LAMA2: variants seen among roughly 807,000 people sequenced by gnomAD.
LAMA2 encodes the protein laminin subunit alpha 2.
Under a neutral mutation model 364.8 loss-of-function variants are expected in LAMA2, and 269 were observed. That is an observed-to-expected ratio of 0.74 (90% CI 0.67 to 0.82). The LOEUF (loss-of-function observed/expected upper bound fraction) is 0.82. Among genes scored for constraint, LAMA2 ranks in the 40% least tolerant of loss-of-function variants. The pLI, the probability that LAMA2 is intolerant of heterozygous loss-of-function variation, is 0.00. For synonymous variants in LAMA2, 1,379 were observed against 1,370.6 expected, an observed-to-expected ratio of 1.01 and a Z score of -0.14; for missense variants, 3,807 against 3,873.2, an observed-to-expected ratio of 0.98 and a Z score of 0.45.
At chr6:128,916,993 CT>C in intron 1 of LAMA2, among the ~76,000 whole-genome samples, 1 of 152,234 alleles carries the variant, frequency 6.6e-6, no homozygotes, top group East Asian at 1.9e-4. Context: ...CTCTTTCCCC[CT>C]GACATTATCC....
chr6:129,414,198 C>T (rs1434227600), intron 40 of LAMA2, among the ~76,000 whole-genome samples: 2 of 151,806 alleles, frequency 1.3e-5, no homozygotes, highest in African/African-American at 4.8e-5. Context: ...GAACTATAAC[C>T]GTTAAATAAA....
intron 56 of LAMA2, 93 bp downstream of exon 56, chr6:129,486,715 T>C: frequency 8.5e-7 from 1 of 1,169,942 alleles, no homozygotes; most frequent in East Asian, 2.4e-5. Context: ...AACCTCTGTG[T>C]GTGTGGACCT....
intron 21 of LAMA2, among the ~76,000 whole-genome samples, chr6:129,299,917 T>C (rs949193477): frequency 1.3e-5 from 2 of 152,184 alleles, no homozygotes; most frequent in Non-Finnish European, 2.9e-5. Flanking sequence ...TGAATTCAAG[T>C]ATTTGGGTTT....
intron 29 of LAMA2, among the ~76,000 whole-genome samples, chr6:129,331,729 T>C (rs1423003326): frequency 6.6e-6 from 1 of 152,056 alleles, no homozygotes; most frequent in Admixed American, 6.6e-5. Flanking sequence ...TTCATTCTTC[T>C]CCTTCCATAC....
intron 36 of LAMA2, 79 bp downstream of exon 36, chr6:129,391,732 C>T: frequency 8.1e-7 from 1 of 1,238,696 alleles, no homozygotes; most frequent in Non-Finnish European, 1.2e-6. Context: ...ATTTTTATCA[C>T]ACGTATAAGT....
At chr6:129,230,108 G>A (rs1583301319) in intron 12 of LAMA2, among the ~76,000 whole-genome samples, 1 of 152,060 alleles carries the variant, frequency 6.6e-6, no homozygotes, top group African/African-American at 2.4e-5. Flanking sequence ...TAAGGATTGG[G>A]CCCTATAGCA....
chr6:129,165,963 A>G (rs1779721782), intron 9 of LAMA2, among the ~76,000 whole-genome samples: 1 of 152,100 alleles, frequency 6.6e-6, no homozygotes, highest in Non-Finnish European at 1.5e-5. Context: ...GTCAATCACA[A>G]ATCTGTGGTA....
chr6:128,914,980 C>G (rs1778222320), intron 1 of LAMA2, among the ~76,000 whole-genome samples: 1 of 151,976 alleles, frequency 6.6e-6, no homozygotes, highest in African/African-American at 2.4e-5. Flanking sequence ...ATGTATATTA[C>G]TGATTTTAAG....
chr6:129,225,872 C>G lies in LAMA2; in HGVS notation c.1783-24240C>G, dbSNP rs573530806. ...GGTCCACTTGGTGCAGAGCTGAGTTCAATTCCTGGATATCCTTGTTACCTT... is the reference window on the plus strand; with the variant it reads ...GGTCCACTTGGTGCAGAGCTGAGTTGAATTCCTGGATATCCTTGTTACCTT... On this transcript the variant is annotated intron_variant, in intron 12 of 64. Transcript: ENST00000421865. Among the ~76,000 whole-genome samples the G allele has an allele frequency of 3.0e-3, 463 of 152,256 alleles. 2 individuals carry two copies. Among genetic ancestry groups the G allele is most frequent in the African/African-American group, 0.011 (441 of 41,546 alleles).
chr6:129,048,791 T>C (rs113183390), intron 1 of LAMA2, among the ~76,000 whole-genome samples: 20,232 of 151,622 alleles, frequency 0.13, 1,408 homozygotes, highest in Middle Eastern at 0.21. Flanking sequence ...ATTTTTGTAT[T>C]TTTAGTAGAG....
intron 4 of LAMA2, among the ~76,000 whole-genome samples, chr6:129,110,109 CAAAA>C (rs3061201): frequency 7.0e-6 from 1 of 142,782 alleles, no homozygotes; most frequent in African/African-American, 2.5e-5. Context: ...CACCTTATTG[CAAAA>C]AAAAAAAAGT....
chr6:129,282,532 G>T (rs1321564728), intron 18 of LAMA2, among the ~76,000 whole-genome samples: 2 of 152,104 alleles, frequency 1.3e-5, no homozygotes, highest in African/African-American at 2.4e-5. Context: ...ATATGCAAGG[G>T]TAGAGGGGAG....
chr6:129,387,655 G>A (rs1349629898), intron 35 of LAMA2, among the ~76,000 whole-genome samples: 2 of 152,126 alleles, frequency 1.3e-5, no homozygotes, highest in Non-Finnish European at 2.9e-5. Context: ...CAACCCAAAT[G>A]CCCATCAATG....
intron 55 of LAMA2, among the ~76,000 whole-genome samples, chr6:129,483,709 C>T (rs1174715416): frequency 6.6e-6 from 1 of 152,114 alleles, no homozygotes; most frequent in East Asian, 1.9e-4. Context: ...CACCAGATAT[C>T]AGCACATTAG....
At chr6:129,213,597 G>A (rs1783238913) in intron 12 of LAMA2, among the ~76,000 whole-genome samples, 1 of 152,108 alleles carries the variant, frequency 6.6e-6, no homozygotes, top group African/African-American at 2.4e-5. Flanking sequence ...GTATATCGTT[G>A]TTTTAATTTG....
chr6:129,314,593 C>T (rs1313932594), intron 23 of LAMA2, 62 bp from the exon 24 acceptor site: 1 of 1,524,690 alleles, frequency 6.6e-7, no homozygotes, highest in Non-Finnish European at 9.1e-7. Context: ...TATGCATTCT[C>T]AGGGTGATTT....
intron 53 of LAMA2, among the ~76,000 whole-genome samples, chr6:129,476,071 T>C (rs1489952225): frequency 1.3e-5 from 2 of 152,212 alleles, no homozygotes; most frequent in Non-Finnish European, 2.9e-5. Context: ...TAATTCTTAC[T>C]AGCATTAGCA....
intron 15 of LAMA2, among the ~76,000 whole-genome samples, chr6:129,265,829 C>T (rs1481437909): frequency 2.6e-5 from 4 of 151,974 alleles, no homozygotes; most frequent in East Asian, 1.9e-4. Context: ...CAAACCTGCA[C>T]GTTCTGCACA....
At chr6:129,348,043 C>T (rs772262730) in intron 30 of LAMA2, among the ~76,000 whole-genome samples, 8 of 151,878 alleles carry the variant, frequency 5.3e-5, no homozygotes, top group Non-Finnish European at 1.0e-4. Flanking sequence ...TGTGTGTGTT[C>T]GCGTATGCGT....
Sources: allele counts gnomAD v4.1 joint callset (sites outside exome capture counted in the v4.1 genomes callset), GRCh38; gene constraint gnomAD v4.1.1; transcripts MANE v1.5; gene names NCBI Gene and HGNC (gene_info 2026-07-23, HGNC 2026-07-21).